ITM2B: variants seen among roughly 807,000 people sequenced by gnomAD.
The protein encoded by ITM2B is integral membrane protein 2B.
A neutral mutation model predicts 27.8 loss-of-function variants in ITM2B; 11 were observed. That is an observed-to-expected ratio of 0.40 (90% CI 0.25 to 0.66). The LOEUF is 0.66. Ranked by LOEUF, ITM2B falls within the 30% of genes least tolerant of loss-of-function variation. The pLI, the probability that ITM2B is intolerant of heterozygous loss-of-function variation, is 0.43. For missense variants in ITM2B, 296 were observed against 328.9 expected (o/e 0.90, Z 0.77); for synonymous variants, 114 against 114.3 (o/e 1.00, Z 0.02).
At position 48,253,927 on chromosome 13, in the gene ITM2B, T is replaced by G; in HGVS notation, c.237T>G (p.Phe79Leu). The G allele has an allele frequency of 6.2e-7, 1 of 1,613,718 alleles. No individual in the cohort carries two copies. The highest frequency in any genetic ancestry group is 8.5e-7 in the Non-Finnish European group (1 of 1,179,784). Reference sequence around the variant, plus strand: ...GAGGAGCATACTTGTACAAATATTTTGCACTTCAAGTAAGTGGAAAAATTA... The same window carrying G: ...GAGGAGCATACTTGTACAAATATTTGGCACTTCAAGTAAGTGGAAAAATTA... ...ILGGAYLYKY[F>L]ALQPDDVYYC... Residue 79 changes from phenylalanine (F) to leucine (L), a missense_variant, in exon 2 of 6, where the codon TTT (phenylalanine) becomes TTG (leucine). Transcript: ENST00000647800.
intron 1 of ITM2B, among the ~76,000 whole-genome samples, chr13:48,242,334 T>C (rs1296212755): frequency 2.0e-5 from 3 of 152,150 alleles, no homozygotes; most frequent in Non-Finnish European, 2.9e-5. Flanking sequence ...CCTCAGACTC[T>C]GACAGCAGTA....
In ITM2B at chr13:48,233,451, C is replaced by T. The variant is rs1157895884; in HGVS notation, c.91C>T (p.Pro31Ser). 2.6e-6 allele frequency: 4 copies of T among 1,536,932 alleles called. No homozygotes were observed. Among genetic ancestry groups the T allele is most frequent in the Admixed American group, 2.0e-5 (1 of 49,702 alleles). ...CGGCGAGGAGGCGCTCATCATCCCC[C>T]CCGACGCCGTCGCGGTGGACTGCAA... ...KSGEEALIIP[P>S]DAVAVDCKDP... Residue 31 changes from proline (P) to serine (S), a missense_variant, in exon 1 of 6, where the codon CCC (proline) becomes TCC (serine). Physicochemically the swap from Pro to Ser is moderately conservative, Grantham distance 74 (BLOSUM62 -1). Transcript: ENST00000647800.
intron 1 of ITM2B, among the ~76,000 whole-genome samples, chr13:48,239,302 G>A (rs1314160192): frequency 6.6e-6 from 1 of 152,208 alleles, no homozygotes; most frequent in South Asian, 2.1e-4. Flanking sequence ...CAGATGAATT[G>A]TTGAAGCTGG....
At chr13:48,258,304 A>G (rs1364811264) in intron 4 of ITM2B, 68 bp downstream of exon 4, 10 of 860,748 alleles carry the variant, frequency 1.2e-5, no homozygotes, top group East Asian at 4.9e-5. Flanking sequence ...CTGTTGAGAA[A>G]TTAGCCCTAT....
chr13:48,234,492 G>A (rs1421605080), intron 1 of ITM2B, among the ~76,000 whole-genome samples: 2 of 151,994 alleles, frequency 1.3e-5, no homozygotes, highest in Non-Finnish European at 2.9e-5. Context: ...TATCAGTAGG[G>A]TAAATTTAGT....
intron 1 of ITM2B, among the ~76,000 whole-genome samples, chr13:48,241,716 A>C (rs904626395): frequency 1.3e-5 from 2 of 152,218 alleles, no homozygotes; most frequent in Non-Finnish European, 2.9e-5. Flanking sequence ...CCCTTTATTG[A>C]ATAGCTTAAT....
chr13:48,263,511 G>A lies in ITM2B; in HGVS notation c.*2287G>A, dbSNP rs987626508. The A allele has an allele frequency of 6.6e-6, 1 of 152,266 alleles. No individual in the cohort carries two copies. The highest frequency in any genetic ancestry group is 1.9e-4 in the East Asian group (1 of 5,200). 9.4% of individuals were successfully genotyped at this position (152,266 alleles called of 1,614,324 possible). A position where few individuals can be genotyped will look rare whatever the true frequency, so the allele number is the denominator to read the frequency against. ...AAGATGACAGAGAATCAGACATGCA[G>A]AGAGGACTGCCAGGTCTCCCAGTGG... On this transcript the variant is annotated 3_prime_UTR_variant, in exon 6 of 6. Transcript: ENST00000647800.
At chr13:48,254,345 A>AC (rs998433925) in intron 2 of ITM2B, among the ~76,000 whole-genome samples, 1 of 152,164 alleles carries the variant, frequency 6.6e-6, no homozygotes, top group African/African-American at 2.4e-5. Flanking sequence ...GTCCTGCTGT[A>AC]CCCTTGGGCC....
chr13:48,261,695 A>G lies in ITM2B; in HGVS notation c.*471A>G, dbSNP rs1446221824. 6.5e-6 allele frequency: 1 copy of G among 153,636 alleles called. No homozygotes were observed. The highest frequency in any genetic ancestry group is 2.4e-5 in the African/African-American group (1 of 41,438). 9.5% of individuals were successfully genotyped at this position (153,636 alleles called of 1,614,324 possible). ...TCTAATTAAAATGTGCAGTATTTTC[A>G]GTGTCAAATATATTTAACTATTTAG... On this transcript the variant is annotated 3_prime_UTR_variant, in exon 6 of 6. Transcript: ENST00000647800.
intron 3 of ITM2B, among the ~76,000 whole-genome samples, 185 bp from the exon 4 acceptor site, chr13:48,257,941 A>G (rs1043835534): frequency 3.9e-5 from 6 of 152,204 alleles, no homozygotes; most frequent in African/African-American, 1.2e-4. Context: ...ACTGGTAGCA[A>G]TATTTTTTCC....
At chr13:48,259,621 G>A (rs1228430117) in intron 5 of ITM2B, among the ~76,000 whole-genome samples, 2 of 151,880 alleles carry the variant, frequency 1.3e-5, no homozygotes, top group Non-Finnish European at 2.9e-5. Context: ...GTGCTTTCCT[G>A]GCTTTTTGCT....
intron 2 of ITM2B, 35 bp downstream of exon 2, chr13:48,253,971 T>A: frequency 6.2e-7 from 1 of 1,606,508 alleles, no homozygotes; most frequent in East Asian, 2.2e-5. Flanking sequence ...CTCTGATTTT[T>A]TTTTTTTTTT....
chr13:48,261,490 A>G lies in ITM2B; in HGVS notation c.*266A>G, dbSNP rs555473125. On this transcript the variant is annotated 3_prime_UTR_variant, in exon 6 of 6. Transcript: ENST00000647800. Reference sequence around the variant, plus strand: ...ACCTTAGGTAGTAGGAAGAATTACAATTTCTTTAAATCATTTATCTGGATT... The same window carrying G: ...ACCTTAGGTAGTAGGAAGAATTACAGTTTCTTTAAATCATTTATCTGGATT... 5.7e-4 allele frequency: 157 copies of G among 276,314 alleles called. No individual in the cohort carries two copies. Among genetic ancestry groups the G allele is most frequent in the Non-Finnish European group, 8.8e-4 (129 of 147,154 alleles). The allele number at this position is 276,314 out of a possible 1,614,324, so 17.1% of individuals were successfully genotyped here.
intron 3 of ITM2B, among the ~76,000 whole-genome samples, chr13:48,256,663 T>G (rs964992400): frequency 2.0e-5 from 3 of 152,232 alleles, no homozygotes; most frequent in Non-Finnish European, 4.4e-5. Flanking sequence ...CCACATTTTC[T>G]TAGATAAGAG....
chr13:48,257,563 G>A (rs1051968872), intron 3 of ITM2B, among the ~76,000 whole-genome samples: 1 of 152,122 alleles, frequency 6.6e-6, no homozygotes, highest in Non-Finnish European at 1.5e-5. Context: ...AACTTCCAAA[G>A]CAAATAGTAA....
Position 48,253,795 on chromosome 13 carries a change from T to C in ITM2B, c.118-13T>C, listed in dbSNP as rs1319786449. ...TGGAGATAAGATATTTAACTGTCTT[T>C]TTCATATTTTAGGACCCAGATGATG... On this transcript the variant is annotated splice_polypyrimidine_tract_variant and intron_variant, in intron 1 of 5. Coordinates refer to ENST00000647800, the MANE Select transcript of ITM2B (RefSeq NM_021999.5). The C allele has an allele frequency of 2.5e-6, 4 of 1,612,950 alleles. No homozygotes were observed. In the African/African-American group the frequency reaches 5.3e-5, roughly 22 times the overall value.
chr13:48,243,248 T>C (rs760601938), intron 1 of ITM2B, among the ~76,000 whole-genome samples: 2 of 152,250 alleles, frequency 1.3e-5, no homozygotes, highest in Non-Finnish European at 2.9e-5. Flanking sequence ...TTACTCCAAC[T>C]AACTTAAAAA....
At chr13:48,237,699 T>G (rs1951676570) in intron 1 of ITM2B, among the ~76,000 whole-genome samples, 1 of 152,234 alleles carries the variant, frequency 6.6e-6, no homozygotes, top group Non-Finnish European at 1.5e-5. Flanking sequence ...TGTGGGTAAA[T>G]GTACATAGAA....
At chr13:48,255,252 T>TGTGC (rs1333148111) in intron 2 of ITM2B, among the ~76,000 whole-genome samples, 3 of 132,280 alleles carry the variant, frequency 2.3e-5, no homozygotes, top group South Asian at 2.4e-4. Flanking sequence ...TGTGTGTGTG[T>TGTGC]GTGCGCGCGC....
Sources: allele counts gnomAD v4.1 joint callset (sites outside exome capture counted in the v4.1 genomes callset), GRCh38; gene constraint gnomAD v4.1.1; transcripts MANE v1.5; gene names NCBI Gene and HGNC (gene_info 2026-07-23, HGNC 2026-07-21).